Variants in ADK observed in about 807,000 individuals in gnomAD.
ADK encodes N6,N6-dimethyladenosine kinase.
In ADK, 24 loss-of-function variants were observed where a neutral mutation model predicts 44.7. The ratio of observed to expected loss-of-function variants is 0.54; its 90% CI spans 0.39 to 0.76. The LOEUF (loss-of-function observed/expected upper bound fraction) is 0.76, where lower values mean the gene tolerates loss of function less well. Ranked by LOEUF, ADK falls within the 30% of genes least tolerant of loss-of-function variation. ADK has a pLI of 0.00. For synonymous variants in ADK, 128 were observed against 142.6 expected, an observed-to-expected ratio of 0.90 and a Z score of 0.73; for missense variants, 321 against 425.1, an observed-to-expected ratio of 0.76 and a Z score of 2.15.
intron 2 of ADK, among the ~76,000 whole-genome samples, chr10:74,212,334 A>G (rs925814653): frequency 6.6e-5 from 10 of 152,198 alleles, no homozygotes; most frequent in African/African-American, 1.7e-4. Context: ...TTTTTGGAGC[A>G]TATGTTTTAT....
chr10:74,682,166 A>G (rs975950522), intron 10 of ADK, among the ~76,000 whole-genome samples: 2 of 152,230 alleles, frequency 1.3e-5, no homozygotes, highest in African/African-American at 4.8e-5. Context: ...CATCTTATCT[A>G]TATGAGTGCA....
intron 6 of ADK, among the ~76,000 whole-genome samples, chr10:74,427,886 A>G (rs1353552498): frequency 6.6e-6 from 1 of 152,152 alleles, no homozygotes; most frequent in Non-Finnish European, 1.5e-5. Context: ...AATTACCGTA[A>G]ACTTAACAGA....
At chr10:74,453,895 T>C (rs1198139515) in intron 6 of ADK, among the ~76,000 whole-genome samples, 1 of 152,130 alleles carries the variant, frequency 6.6e-6, no homozygotes, top group East Asian at 1.9e-4. Context: ...TAAAAATTAT[T>C]AGTAATTGCT....
At chr10:74,645,465 A>C (rs540988421) in intron 9 of ADK, among the ~76,000 whole-genome samples, 3 of 152,336 alleles carry the variant, frequency 2.0e-5, no homozygotes, top group African/African-American at 7.2e-5. Context: ...ATATTTATTT[A>C]ATAATGAAAT....
At chr10:74,194,766 G>A (rs1176489379) in intron 1 of ADK, among the ~76,000 whole-genome samples, 1 of 152,162 alleles carries the variant, frequency 6.6e-6, no homozygotes, top group Non-Finnish European at 1.5e-5. Context: ...GATGGGGCTA[G>A]TTGACGTAGA....
intron 3 of ADK, among the ~76,000 whole-genome samples, chr10:74,265,766 T>A (rs906201716): frequency 1.3e-5 from 2 of 152,212 alleles, no homozygotes; most frequent in African/African-American, 4.8e-5. Context: ...GGATTTGTAG[T>A]TTGGCCATTG....
intron 6 of ADK, among the ~76,000 whole-genome samples, chr10:74,418,454 G>A (rs1329100685): frequency 6.6e-6 from 1 of 152,132 alleles, no homozygotes; most frequent in African/African-American, 2.4e-5. Context: ...TTTTCACAAA[G>A]AAAATGTTGA....
At chr10:74,567,149 C>A (rs1319125298) in intron 7 of ADK, among the ~76,000 whole-genome samples, 3 of 152,144 alleles carry the variant, frequency 2.0e-5, no homozygotes, top group Middle Eastern at 3.2e-3. Flanking sequence ...CTTTTTATCT[C>A]ATTATTTTAT....
In ADK at chr10:74,186,190, TCCTTCCCTTC is replaced by T. The variant is rs145702466; in HGVS notation, c.66-14557_66-14548del. 1.1e-3 allele frequency among the ~76,000 whole-genome samples: 159 copies of T among 143,664 alleles called. 1 individual carries two copies. Among genetic ancestry groups the T allele is most frequent in the African/African-American group, 3.7e-3 (144 of 39,042 alleles). 94.2% of individuals were successfully genotyped at this position (143,664 alleles called of 152,430 possible). On this transcript the variant is annotated intron_variant, in intron 1 of 10. Transcript: ENST00000539909. ...CCTAAAGTCAAATCAGCCTTCCCTT[TCCTTCCCTTC>T]CCTTCCCTTCCCTTCCTTTCCCTTC...
chr10:74,317,565 A>G (rs78077095), intron 4 of ADK, among the ~76,000 whole-genome samples: 1 of 20,542 alleles, frequency 4.9e-5, no homozygotes, highest in Non-Finnish European at 2.3e-4. Context: ...GTCTCTAGGA[A>G]AAAAAAAAAA....
chr10:74,425,173 A>C (rs1844747500), intron 6 of ADK, among the ~76,000 whole-genome samples: 1 of 152,230 alleles, frequency 6.6e-6, no homozygotes, highest in African/African-American at 2.4e-5. Context: ...AACACATTCA[A>C]ATAAATGTTG....
chr10:74,406,984 CTT>C (rs750726079), intron 6 of ADK, among the ~76,000 whole-genome samples: 12 of 124,498 alleles, frequency 9.6e-5, no homozygotes, highest in Non-Finnish European at 8.7e-5. Flanking sequence ...TGGCCTCTTT[CTT>C]TTTTTTTTTT....
At chr10:74,335,813 T>C (rs978264691) in intron 4 of ADK, among the ~76,000 whole-genome samples, 1 of 152,232 alleles carries the variant, frequency 6.6e-6, no homozygotes, top group African/African-American at 2.4e-5. Flanking sequence ...ATTTGCTATC[T>C]GTATATGTTC....
intron 6 of ADK, among the ~76,000 whole-genome samples, chr10:74,450,600 T>G (rs1845739564): frequency 6.6e-6 from 1 of 152,228 alleles, no homozygotes; most frequent in Non-Finnish European, 1.5e-5. Flanking sequence ...ATCATTTAAT[T>G]GAATAAGGAA....
At chr10:74,566,754 G>A (rs370760848) in intron 7 of ADK, among the ~76,000 whole-genome samples, 12 of 152,118 alleles carry the variant, frequency 7.9e-5, no homozygotes, top group African/African-American at 2.9e-4. Flanking sequence ...AGGTATCTAT[G>A]AATGAGGAGA....
chr10:74,321,744 AGT>A (rs1177250697), intron 4 of ADK, among the ~76,000 whole-genome samples: 4 of 152,128 alleles, frequency 2.6e-5, no homozygotes, highest in African/African-American at 9.7e-5. Context: ...CCTAAATGCC[AGT>A]GTGTTTATGT....
At chr10:74,301,735 C>T (rs2132520148) in intron 3 of ADK, among the ~76,000 whole-genome samples, 1 of 152,046 alleles carries the variant, frequency 6.6e-6, no homozygotes, top group Admixed American at 6.5e-5. Context: ...TATTTACTAC[C>T]TGGCCTTTTA....
intron 9 of ADK, among the ~76,000 whole-genome samples, chr10:74,605,870 C>G (rs1408063768): frequency 6.6e-6 from 1 of 152,130 alleles, no homozygotes; most frequent in Admixed American, 6.5e-5. Context: ...TCCGTCTGCT[C>G]CTGGGCTTTT....
At chr10:74,569,779 C>T (rs1393394369) in intron 7 of ADK, among the ~76,000 whole-genome samples, 21 of 152,158 alleles carry the variant, frequency 1.4e-4, no homozygotes, top group Admixed American at 1.4e-3. Flanking sequence ...TTAGCTTAAT[C>T]AGATCCCATT....
Sources: gnomAD v4.1 joint callset for allele counts (sites outside exome capture counted in the v4.1 genomes callset) on GRCh38, gnomAD v4.1.1 for gene constraint, MANE v1.5 for transcripts, NCBI Gene and HGNC (gene_info 2026-07-23, HGNC 2026-07-21) for gene names.